Variants in PQBP1 observed in about 807,000 individuals in gnomAD.
PQBP1 encodes polyglutamine-binding protein 1.
Under a neutral mutation model 20.9 loss-of-function variants are expected in PQBP1, and 3 were observed. That is an observed-to-expected ratio of 0.14 (90% CI 0.07 to 0.37). The LOEUF (loss-of-function observed/expected upper bound fraction) is 0.37, where lower values mean the gene tolerates loss of function less well. Ranked by LOEUF, PQBP1 falls within the 10% of genes least tolerant of loss-of-function variation. The pLI is 1.00. For synonymous variants in PQBP1, 83 were observed against 93.8 expected, an observed-to-expected ratio of 0.88 and a Z score of 0.67; for missense variants, 162 against 240.3, an observed-to-expected ratio of 0.67 and a Z score of 2.16.
chrX:48,903,064 C>A lies in PQBP1; in HGVS notation c.778C>A (p.Arg260=), dbSNP rs781987043. Residue 260 remains arginine, a synonymous_variant, in exon 7 of 7, where the codon CGA becomes AGA. Transcript: ENST00000447146. ...GCTCCGGGCCAATGCAGAGGCCTCC[C>A]GAACCAAGCAGCAGGATTGAAGCTT... The part of the protein sequence containing the change: ...AVLRANAEAS[R]TKQQD 8 of 1,208,308 alleles carry A rather than the reference C, an allele frequency of 6.6e-6. No individual in the cohort carries two copies. The highest frequency in any genetic ancestry group is 8.9e-6 in the Non-Finnish European group (8 of 893,922).
At chrX:48,898,370 C>A in intron 1 of PQBP1, 122 bp from the exon 2 acceptor site, 2 of 675,332 alleles carry the variant, frequency 3.0e-6, no homozygotes, top group African/African-American at 2.1e-5. Context: ...GTCCACCCAG[C>A]TACTGGTTCA....
intron 2 of PQBP1, among the ~76,000 whole-genome samples, chrX:48,898,985 T>TA (rs2063357482): frequency 1.0e-5 from 1 of 98,509 alleles, no homozygotes; most frequent in African/African-American, 3.7e-5. Context: ...AATTTTTTTT[T>TA]TTTTTTTTTT....
At chrX:48,901,378 C>T (rs1305549206) in intron 3 of PQBP1, 77 bp downstream of exon 3, 1 of 1,163,746 alleles carries the variant, frequency 8.6e-7, no homozygotes, top group African/African-American at 1.8e-5. Flanking sequence ...TTTAGGGGGA[C>T]ACAAGGGAGG....
Position 48,902,238 on chromosome X carries a change from G to A in PQBP1, c.298G>A (p.Glu100Lys). ...KKLRSSNADA[E>K]EKLDRSHDKS... ...TTCAAGACTTGTGTCCCCAGATGCT[G>A]AAGAAAAGTTGGACCGGAGCCATGA... The change falls in exon 5 of 7, where the codon GAA (glutamate) becomes AAA (lysine). Residue 100 changes from glutamate to lysine, a missense_variant. By Grantham distance (56) the Glu-to-Lys change is moderately conservative (BLOSUM62 1). Transcript: ENST00000447146. 8.3e-7 allele frequency: 1 copy of A among 1,211,449 alleles called. No homozygotes were observed.
At position 48,897,939 on chromosome X, in the gene PQBP1, T is replaced by C; in HGVS notation, c.-162T>C. ...CCTCCTGAGCGTAGTCCAGTTACTT[T>C]CAGGCTCGGGGAGTGAAGGCCTCGT... is the stretch of plus-strand genomic sequence containing the variant. On this transcript the variant is annotated 5_prime_UTR_variant, in exon 1 of 7. Transcript: ENST00000447146. 1.0e-5 allele frequency: 9 copies of C among 895,160 alleles called. No individual in the cohort carries two copies. Among genetic ancestry groups the C allele is most frequent in the Non-Finnish European group, 1.4e-5 (9 of 663,466 alleles). The allele number at this position is 895,160 out of a possible 1,213,427, so 73.8% of individuals were successfully genotyped here. A position where few individuals can be genotyped will look rare whatever the true frequency, so the allele number is the denominator to read the frequency against.
At position 48,902,281 on chromosome X, in the gene PQBP1, A is replaced by G. The variant is rs1557041369; in HGVS notation, c.341A>G (p.His114Arg). 4 of 1,211,623 alleles carry G rather than the reference A, an allele frequency of 3.3e-6. No individual in the cohort carries two copies. The highest frequency in any genetic ancestry group is 4.5e-6 in the Non-Finnish European group (4 of 895,485). Reference protein sequence around the residue: ...DRSHDKSDRGHDKSDRSHEKL... With the variant: ...DRSHDKSDRGRDKSDRSHEKL... ...AGCCATGACAAGTCGGACAGGGGCC[A>G]TGACAAGTCGGACCGCAGCCATGAG... The change falls in exon 5 of 7, where the codon CAT becomes CGT. Residue 114 changes from histidine to arginine, a missense_variant. Transcript: ENST00000447146.
At chrX:48,898,250 C>T in intron 1 of PQBP1, 168 bp downstream of exon 1, 1 of 840,689 alleles carries the variant, frequency 1.2e-6, no homozygotes, top group South Asian at 2.2e-5. Flanking sequence ...GGAGCCTGGG[C>T]CTGGGAGAGG....
At chrX:48,898,347 G>A in intron 1 of PQBP1, 145 bp from the exon 2 acceptor site, 1 of 622,391 alleles carries the variant, frequency 1.6e-6, no homozygotes, top group Non-Finnish European at 2.7e-6. Flanking sequence ...ACATCTTTTA[G>A]TGCGTATGTT....
chrX:48,903,053 C>A lies in PQBP1; in HGVS notation c.767C>A (p.Ala256Glu), dbSNP rs2063452941. 1 of 1,206,561 alleles carries A rather than the reference C, an allele frequency of 8.3e-7. No homozygotes were observed. Among genetic ancestry groups the A allele is most frequent in the Admixed American group, 2.2e-5 (1 of 45,402 alleles). Residue 256 changes from alanine to glutamate, a missense_variant, in exon 7 of 7, where the codon GCA (alanine) becomes GAA (glutamate). Coordinates refer to ENST00000447146, the MANE Select transcript of PQBP1 (RefSeq NM_001032382.2). ...PSPGAVLRAN[A>E]EASRTKQQD ...CCAGGGGCTGTGCTCCGGGCCAATG[C>A]AGAGGCCTCCCGAACCAAGCAGCAG...
intron 1 of PQBP1, 147 bp downstream of exon 1, chrX:48,898,229 A>C: frequency 1.1e-6 from 1 of 934,580 alleles, no homozygotes; most frequent in Non-Finnish European, 1.5e-6. Flanking sequence ...CGGGCTTCTT[A>C]GGCTGTGGGC....
chrX:48,898,785 CTTTTTTTTTTTTTTTTTTTTTTTTT>C lies in PQBP1; in HGVS notation c.67+224_67+248del, dbSNP rs34214032. Among the ~76,000 whole-genome samples, 4 of 21,460 alleles carry C rather than the reference CTTTTTTTTTTTTTTTTTTTTTTTTT, an allele frequency of 1.9e-4. 1 individual carries two copies. Among genetic ancestry groups the C allele is most frequent in the African/African-American group, 7.4e-4 (4 of 5,413 alleles). 18.6% of individuals were successfully genotyped at this position (21,460 alleles called of 115,157 possible). A position where few individuals can be genotyped will look rare whatever the true frequency, so the allele number is the denominator to read the frequency against. ...GGGTTGGGGGAATAGATATTTCATTCTTTTTTTTTTTTTTTTTTTTTTTTTTTTTTTTTTTTTTTGAGGCAGAGTC... is the reference window on the plus strand; with the variant it reads ...GGGTTGGGGGAATAGATATTTCATTCTTTTTTTTTTTTTTGAGGCAGAGTC... On this transcript the variant is annotated intron_variant, in intron 2 of 6. Coordinates refer to ENST00000447146, the MANE Select transcript of PQBP1 (RefSeq NM_001032382.2).
At position 48,903,135 on chromosome X, in the gene PQBP1, T is replaced by C; in HGVS notation, c.*51T>C. 8.5e-7 allele frequency: 1 copy of C among 1,178,222 alleles called. No homozygotes were observed. Among genetic ancestry groups the C allele is most frequent in the Non-Finnish European group, 1.1e-6 (1 of 877,965 alleles). On this transcript the variant is annotated 3_prime_UTR_variant, in exon 7 of 7. Transcript: ENST00000447146. ...TAAAATAAAAGCTTTCTGGTGATCC[T>C]GCCCACCATACCTGAGTGCTTCCTT...
intron 3 of PQBP1, among the ~76,000 whole-genome samples, 162 bp from the exon 4 acceptor site, chrX:48,901,768 C>T (rs1474969857): frequency 8.9e-6 from 1 of 112,066 alleles, no homozygotes; most frequent in Non-Finnish European, 1.9e-5. Context: ...CATGAGCCAC[C>T]ACGCCCAGCT....
intron 6 of PQBP1, 26 bp from the exon 7 acceptor site, chrX:48,902,902 C>A: frequency 8.4e-7 from 1 of 1,193,369 alleles, no homozygotes; most frequent in Non-Finnish European, 1.1e-6. Flanking sequence ...TCACCCATCC[C>A]CATCCCCTGA....
rs868964816 is a variant in PQBP1 at position 48,900,128 on chromosome X, G to A, written c.68-1062G>A. Among the ~76,000 whole-genome samples, 8 of 107,727 alleles carry A rather than the reference G, an allele frequency of 7.4e-5. No homozygotes were observed. In the Middle Eastern group the frequency reaches 0.019, roughly 251 times the overall value. The allele number at this position is 107,727 out of a possible 115,157, so 93.5% of individuals were successfully genotyped here. A position where few individuals can be genotyped will look rare whatever the true frequency, so the allele number is the denominator to read the frequency against. ...TAGCCGGGCGTGGTGCCAGATGCCT[G>A]TAGTCCCAGCTACTCGGGAGGCTGA... is the stretch of plus-strand genomic sequence containing the variant. On this transcript the variant is annotated intron_variant, in intron 2 of 6. Coordinates refer to ENST00000447146, the MANE Select transcript of PQBP1 (RefSeq NM_001032382.2).
In PQBP1 at chrX:48,902,000, G is replaced by A. The variant is rs782469256; in HGVS notation, c.250G>A (p.Val84Met). The A allele has an allele frequency of 9.9e-6, 12 of 1,209,888 alleles. No individual in the cohort carries two copies. The highest frequency in any genetic ancestry group is 1.2e-5 in the Non-Finnish European group (11 of 895,260). ...SWLSPHDPNS[V>M]VTKSAKKLRS... ...GCTCTCCCCACATGACCCCAACTCC[G>A]TGGTTACCAAATCGGCCAAGAAGCT... The change falls in exon 4 of 7, where the codon GTG becomes ATG. Residue 84 changes from valine (V) to methionine (M), a missense_variant. By Grantham distance (21) the Val-to-Met change is conservative. Coordinates refer to ENST00000447146, the MANE Select transcript of PQBP1 (RefSeq NM_001032382.2).
chrX:48,901,844 A>G lies in PQBP1; in HGVS notation c.180-86A>G, dbSNP rs1436525782. 7 of 1,178,378 alleles carry G rather than the reference A, an allele frequency of 5.9e-6. No homozygotes were observed. The Admixed American group carries it at 1.4e-4, about 24-fold the overall frequency. ...TGCCTGTGGGGTCCTGACATGGGGCAGGTATAGGCAGAGACTGGGGAGACA... is the reference window on the plus strand; with the variant it reads ...TGCCTGTGGGGTCCTGACATGGGGCGGGTATAGGCAGAGACTGGGGAGACA... On this transcript the variant is annotated intron_variant, in intron 3 of 6. Coordinates refer to ENST00000447146, the MANE Select transcript of PQBP1 (RefSeq NM_001032382.2).
chrX:48,901,489 CTT>C (rs1282377078), intron 3 of PQBP1, 188 bp downstream of exon 3: 5 of 969,813 alleles, frequency 5.2e-6, no homozygotes, highest in African/African-American at 1.9e-5. Flanking sequence ...TCTTTTCTCT[CTT>C]TTTTGAAACG....
chrX:48,902,903 C>T (rs370524032), intron 6 of PQBP1, 25 bp from the exon 7 acceptor site: 1 of 1,193,393 alleles, frequency 8.4e-7, no homozygotes, highest in African/African-American at 1.8e-5. Flanking sequence ...CACCCATCCC[C>T]ATCCCCTGAC....
Sources: allele counts gnomAD v4.1 joint callset (sites outside exome capture counted in the v4.1 genomes callset), GRCh38; gene constraint gnomAD v4.1.1; transcripts MANE v1.5; gene names NCBI Gene and HGNC (gene_info 2026-07-23, HGNC 2026-07-21).